Variants in SEPTIN8 observed in about 807,000 individuals in gnomAD.
SEPTIN8 encodes septin-8.
SEPTIN8 carries 22 observed loss-of-function variants against 53.1 expected under a neutral mutation model. The observed-to-expected ratio is 0.41, with a 90% CI of 0.30 to 0.59. The LOEUF is 0.59. SEPTIN8 is among the 20% of genes least tolerant of loss of function. The pLI is 0.24. For synonymous variants in SEPTIN8, 228 were observed against 248.4 expected (o/e 0.92, Z 0.77); for missense variants, 536 against 638.7 (o/e 0.84, Z 1.73).
At chr5:132,757,169 T>C in intron 9 of SEPTIN8, 2 of 975,530 alleles carry the variant, frequency 2.1e-6, no homozygotes, top group Non-Finnish European at 2.4e-6. Context: ...CCTAATTTTA[T>C]ATTAACATTG....
At chr5:132,767,999 C>A (rs1003855935) in intron 1 of SEPTIN8, among the ~76,000 whole-genome samples, 5 of 134,854 alleles carry the variant, frequency 3.7e-5, no homozygotes, top group African/African-American at 5.3e-5. Context: ...AGCCGCAGAG[C>A]ACTTACTGAG....
Position 132,761,756 on chromosome 5 carries a change from G to A in SEPTIN8, c.793+44C>T, listed in dbSNP as rs953285947. ...ACTACAGGCAGCAGGGCAGGCCAGG[G>A]AACTCAGTTCTACCCCCAGGATGCA... On this transcript the variant is annotated intron_variant, in intron 6 of 9. Coordinates refer to ENST00000378719, the MANE Select transcript of SEPTIN8 (RefSeq NM_001098811.2). This position sits in a 1 kb window ranked among gnomAD's most constrained non-coding sequence, Gnocchi z 5.8. The A allele has an allele frequency of 2.5e-6, 4 of 1,586,994 alleles. No individual in the cohort carries two copies. In the African/African-American group the frequency reaches 4.0e-5, roughly 16 times the overall value.
At chr5:132,755,023 G>C (rs1447148856) in intron 9 of SEPTIN8, among the ~76,000 whole-genome samples, 4 of 152,170 alleles carry the variant, frequency 2.6e-5, no homozygotes, top group Non-Finnish European at 1.5e-5. Context: ...GTCATTTGAT[G>C]ATGTTTCCAC....
Position 132,763,900 on chromosome 5 carries a change from C to T in SEPTIN8, c.348-8G>A. 1 of 1,551,898 alleles carries T rather than the reference C, an allele frequency of 6.4e-7. No homozygotes were observed. The highest frequency in any genetic ancestry group is 8.7e-7 in the Non-Finnish European group (1 of 1,147,630). On this transcript the variant is annotated splice_polypyrimidine_tract_variant and splice_region_variant and intron_variant, in intron 3 of 9. Transcript: ENST00000378719. Reference sequence around the variant, plus strand: ...TCAACTATGGGCCTGTAACTACAGACAGCTCCATCACCCAGGAGGCTGCCA... The same window carrying T: ...TCAACTATGGGCCTGTAACTACAGATAGCTCCATCACCCAGGAGGCTGCCA...
At chr5:132,775,453 G>C in intron 1 of SEPTIN8, among the ~76,000 whole-genome samples, 1 of 152,126 alleles carries the variant, frequency 6.6e-6, no homozygotes, top group Non-Finnish European at 1.5e-5. Context: ...GGATTCTCTT[G>C]TTGAATCCTC....
rs1214488964 is a variant in SEPTIN8 at position 132,767,665 on chromosome 5, G to A, written c.31-2136C>T. On this transcript the variant is annotated intron_variant, in intron 1 of 9. Coordinates refer to ENST00000378719, the MANE Select transcript of SEPTIN8 (RefSeq NM_001098811.2). ...ACTGAACACAGCCTCCAACTGCTAC[G>A]GCATCAGAGCACCTGCCCACCTTAC... Among the ~76,000 whole-genome samples the A allele has an allele frequency of 2.6e-5, 4 of 151,984 alleles. No homozygotes were observed. The South Asian group carries it at 6.2e-4, about 24-fold the overall frequency.
upstream of SEPTIN8, chr5:132,777,966 G>A (rs1033307389): frequency 2.0e-6 from 2 of 985,498 alleles, no homozygotes; most frequent in South Asian, 9.4e-5. This position sits in a 1 kb window ranked among gnomAD's most constrained non-coding sequence, Gnocchi z 4.1. Flanking sequence ...CCTGTCCCAA[G>A]GGCTTGGGAC....
At chr5:132,758,351 G>T in intron 9 of SEPTIN8, 4 of 1,405,046 alleles carry the variant, frequency 2.8e-6, no homozygotes, top group Non-Finnish European at 3.7e-6. Flanking sequence ...TTAAGCTGTA[G>T]GTTAGAAAAA....
rs1294076537 is a variant in SEPTIN8, at chr5:132,777,096, C to T, written c.30+12G>A. On this transcript the variant is annotated intron_variant, in intron 1 of 9. Transcript: ENST00000378719. This position sits in a 1 kb window ranked among gnomAD's most constrained non-coding sequence, Gnocchi z 4.1. ...GCCTCCCGCGCGCGCCGTGGCCCAG[C>T]GGGGCCCTCACCGAGAAGCGCTCCA... is the stretch of plus-strand genomic sequence containing the variant. The T allele has an allele frequency of 1.8e-6, 2 of 1,106,418 alleles. No homozygotes were observed. The highest frequency in any genetic ancestry group is 1.0e-4 in the East Asian group (2 of 20,010). The allele number at this position is 1,106,418 out of a possible 1,614,324, so 68.5% of individuals were successfully genotyped here.
In SEPTIN8 at chr5:132,760,421, C is replaced by T. The variant is rs193121652; in HGVS notation, c.1286+381G>A. Among the ~76,000 whole-genome samples the T allele has an allele frequency of 1.3e-5, 2 of 152,248 alleles. No individual in the cohort carries two copies. Among genetic ancestry groups the T allele is most frequent in the East Asian group, 1.9e-4 (1 of 5,138 alleles). On this transcript the variant is annotated intron_variant, in intron 9 of 9. Coordinates refer to ENST00000378719, the MANE Select transcript of SEPTIN8 (RefSeq NM_001098811.2). The surrounding 1 kb of genome is among the most constrained non-coding windows in gnomAD (Gnocchi z 5.2). ...CCTCACCCGTGCAGCCCCACCTTCA[C>T]CACGCTGCAACAGGGCCACAGCTGC...
chr5:132,764,846 GC>G (rs1756418481), intron 2 of SEPTIN8, among the ~76,000 whole-genome samples: 2 of 152,068 alleles, frequency 1.3e-5, no homozygotes, highest in Admixed American at 1.3e-4. Context: ...CAACCCATGC[GC>G]CCCGGACAGC....
At chr5:132,762,425 T>C (rs1408443849) in intron 5 of SEPTIN8, 59 bp downstream of exon 5, 1 of 1,534,628 alleles carries the variant, frequency 6.5e-7, no homozygotes, top group African/African-American at 1.4e-5. Flanking sequence ...CTGTGTCAGA[T>C]CTGTGCCGGC....
chr5:132,758,053 T>G, intron 9 of SEPTIN8: 1 of 995,694 alleles, frequency 1.0e-6, no homozygotes, highest in Non-Finnish European at 1.2e-6. Flanking sequence ...ACAACAGCTT[T>G]GGGCTGCTGT....
intron 9 of SEPTIN8, chr5:132,758,286 T>C (rs1755530610): frequency 7.5e-7 from 1 of 1,339,644 alleles, no homozygotes; most frequent in African/African-American, 1.5e-5. Flanking sequence ...GGATATTATT[T>C]GTCTTGACGC....
chr5:132,765,587 C>T (rs1052613837), intron 1 of SEPTIN8, 58 bp from the exon 2 acceptor site: 40 of 1,522,532 alleles, frequency 2.6e-5, no homozygotes, highest in African/African-American at 9.8e-5. Context: ...GGTCAAGCTG[C>T]GGGGTGGGCG....
chr5:132,770,195 A>G lies in SEPTIN8; in HGVS notation c.31-4666T>C, dbSNP rs1393080830. ...TATATGTATATATATGTATGTATGT[A>G]TTTTTTGAGACACAGTCTGGCTCTG... On this transcript the variant is annotated intron_variant, in intron 1 of 9. Transcript: ENST00000378719. Among the ~76,000 whole-genome samples the G allele has an allele frequency of 1.7e-4, 25 of 142,974 alleles. 1 individual carries two copies. The highest frequency in any genetic ancestry group is 6.6e-4 in the African/African-American group (25 of 38,164). 93.8% of individuals were successfully genotyped at this position (142,974 alleles called of 152,430 possible).
intron 1 of SEPTIN8, among the ~76,000 whole-genome samples, chr5:132,774,685 G>A (rs115678104): frequency 1.1e-4 from 17 of 152,300 alleles, no homozygotes; most frequent in African/African-American, 3.1e-4. Flanking sequence ...TCTGTATGCC[G>A]TCTAAGCTCC....
In SEPTIN8 at chr5:132,751,844, TG is replaced by T. The variant is rs1468951904; in HGVS notation, c.*171del. 1 of 1,203,190 alleles carries T rather than the reference TG, an allele frequency of 8.3e-7. No individual in the cohort carries two copies. Among genetic ancestry groups the T allele is most frequent in the Admixed American group, 2.2e-5 (1 of 46,068 alleles). The allele number at this position is 1,203,190 out of a possible 1,614,324, so 74.5% of individuals were successfully genotyped here. A position where few individuals can be genotyped will look rare whatever the true frequency, so the allele number is the denominator to read the frequency against. ...CCCCTTACGGAGCCATGGATAGGAATGAAAAGGGTTGGGCAACATTTGATGT... is the reference window on the plus strand; with the variant it reads ...CCCCTTACGGAGCCATGGATAGGAATAAAAGGGTTGGGCAACATTTGATGT... On this transcript the variant is annotated 3_prime_UTR_variant, in exon 10 of 10. Transcript: ENST00000378719.
chr5:132,751,819 C>T lies in SEPTIN8; in HGVS notation c.*197G>A. Reference sequence around the variant, plus strand: ...CACAGGATGGGCATTAAGCCTCAAGCCCCTTACGGAGCCATGGATAGGAAT... The same window carrying T: ...CACAGGATGGGCATTAAGCCTCAAGTCCCTTACGGAGCCATGGATAGGAAT... On this transcript the variant is annotated 3_prime_UTR_variant, in exon 10 of 10. Transcript: ENST00000378719. 2 of 958,960 alleles carry T rather than the reference C, an allele frequency of 2.1e-6. No homozygotes were observed. Among genetic ancestry groups the T allele is most frequent in the East Asian group, 2.6e-5 (1 of 37,990 alleles). The allele number at this position is 958,960 out of a possible 1,614,324, so 59.4% of individuals were successfully genotyped here. A position where few individuals can be genotyped will look rare whatever the true frequency, so the allele number is the denominator to read the frequency against.
Sources: allele counts gnomAD v4.1 joint callset (sites outside exome capture counted in the v4.1 genomes callset), GRCh38; gene constraint gnomAD v4.1.1; non-coding constraint Gnocchi (gnomAD v3.1); transcripts MANE v1.5; gene names NCBI Gene and HGNC (gene_info 2026-07-23, HGNC 2026-07-21).